MTCL1: variants seen among roughly 807,000 people sequenced by gnomAD.
The protein encoded by MTCL1 is microtubule crosslinking factor 1, also known as microtubule cross-linking factor 1.
A neutral mutation model predicts 141.4 loss-of-function variants in MTCL1; 79 were observed. That is an observed-to-expected ratio of 0.56 (90% CI 0.47 to 0.67). The LOEUF is 0.67. MTCL1 is among the 30% of genes least tolerant of loss of function. The pLI is 0.00. For missense variants in MTCL1, 2,177 were observed against 2,113.9 expected (o/e 1.03, Z -0.59); for synonymous variants, 914 against 875.8 (o/e 1.04, Z -0.77).
chr18:8,705,956 G>C lies in MTCL1; in HGVS notation c.296G>C (p.Arg99Pro). ...CTGGCCGCGCCCGGCCGCCTCTCTC[G>C]GCGCAGTGGCGGCGTCCCGGGCGCG... The change falls in exon 1 of 14, where the codon CGG becomes CCG. Residue 99 changes from arginine to proline, a missense_variant. Physicochemically the swap from Arg to Pro is moderately radical, Grantham distance 103. Transcript: ENST00000306329. This position sits in a 1 kb window ranked among gnomAD's most constrained non-coding sequence, Gnocchi z 5.2. The C allele has an allele frequency of 9.0e-7, 1 of 1,110,660 alleles. No individual in the cohort carries two copies. Among genetic ancestry groups the C allele is most frequent in the Non-Finnish European group, 1.1e-6 (1 of 912,776 alleles). The allele number at this position is 1,110,660 out of a possible 1,614,324, so 68.8% of individuals were successfully genotyped here.
chr18:8,799,114 G>A (rs1315309537), intron 10 of MTCL1, among the ~76,000 whole-genome samples: 1 of 152,222 alleles, frequency 6.6e-6, no homozygotes, highest in Non-Finnish European at 1.5e-5. Context: ...ACGGGGATGC[G>A]GCAGTCATAT....
intron 4 of MTCL1, among the ~76,000 whole-genome samples, chr18:8,749,664 G>C (rs1165033401): frequency 4.6e-5 from 7 of 152,228 alleles, no homozygotes; most frequent in Admixed American, 4.6e-4. Flanking sequence ...ACAGGGATGG[G>C]GTTTGGCCAC....
At chr18:8,811,843 A>G (rs2076498341) in intron 11 of MTCL1, among the ~76,000 whole-genome samples, 2 of 152,216 alleles carry the variant, frequency 1.3e-5, no homozygotes. Context: ...AAAATTGTGC[A>G]CTTAATGAAA....
chr18:8,743,126 G>A (rs1366275188), intron 4 of MTCL1, among the ~76,000 whole-genome samples: 1 of 152,204 alleles, frequency 6.6e-6, no homozygotes, highest in African/African-American at 2.4e-5. Context: ...CCGTGTGGAG[G>A]AGCTAGAGAA....
chr18:8,798,933 G>A (rs2076019276), intron 10 of MTCL1, among the ~76,000 whole-genome samples: 1 of 152,312 alleles, frequency 6.6e-6, no homozygotes, highest in East Asian at 1.9e-4. Flanking sequence ...GAGCTCCAGA[G>A]CAGGACCCTG....
intron 14 of MTCL1, among the ~76,000 whole-genome samples, chr18:8,823,865 C>T (rs2076925896): frequency 6.6e-6 from 1 of 152,168 alleles, no homozygotes; most frequent in Non-Finnish European, 1.5e-5. Context: ...TTAATAGGTC[C>T]TATGGAGGAG....
At chr18:8,799,417 T>C (rs980560933) in intron 10 of MTCL1, among the ~76,000 whole-genome samples, 1 of 152,202 alleles carries the variant, frequency 6.6e-6, no homozygotes. Context: ...TCATTCTCCC[T>C]GAATAACATG....
intron 10 of MTCL1, among the ~76,000 whole-genome samples, chr18:8,806,689 T>G (rs551370074): frequency 2.2e-4 from 34 of 152,206 alleles, no homozygotes; most frequent in African/African-American, 7.2e-4. Context: ...GCCCTCAGTC[T>G]CAGGCCCAGG....
At chr18:8,794,920 T>C (rs2075862701) in intron 8 of MTCL1, among the ~76,000 whole-genome samples, 1 of 152,152 alleles carries the variant, frequency 6.6e-6, no homozygotes, top group African/African-American at 2.4e-5. Flanking sequence ...ACATCTTCAG[T>C]GTGAAATGTT....
At chr18:8,768,789 C>CTT (rs773958752) in intron 4 of MTCL1, among the ~76,000 whole-genome samples, 30,214 of 117,600 alleles carry the variant, frequency 0.26, 4,519 homozygotes, top group East Asian at 0.54. Context: ...CTTTTCTTCT[C>CTT]TTTTTTTTTT....
intron 15 of MTCL1, among the ~76,000 whole-genome samples, chr18:8,826,832 C>G (rs754156888): frequency 6.6e-6 from 1 of 152,214 alleles, no homozygotes; most frequent in Non-Finnish European, 1.5e-5. Flanking sequence ...AAAATCCTAC[C>G]CTAATACAAT....
intron 10 of MTCL1, among the ~76,000 whole-genome samples, chr18:8,803,022 G>T (rs1200968191): frequency 6.6e-6 from 1 of 152,096 alleles, no homozygotes; most frequent in Admixed American, 6.5e-5. Context: ...CCCAGCAAGG[G>T]GTACCACCAG....
intron 10 of MTCL1, among the ~76,000 whole-genome samples, chr18:8,805,817 G>A (rs895788012): frequency 1.3e-5 from 2 of 152,164 alleles, no homozygotes; most frequent in Non-Finnish European, 2.9e-5. Flanking sequence ...TGTGCTTTCC[G>A]TGCTGGTTGG....
rs775411721 is a variant in MTCL1, at chr18:8,783,933, T to G, written c.821T>G (p.Leu274Arg). 4.3e-6 allele frequency: 7 copies of G among 1,613,516 alleles called. No individual in the cohort carries two copies. In the East Asian group the frequency reaches 1.1e-4, roughly 26 times the overall value. ...GACTCCCTGGAGTCCTCCACTGAGC[T>G]CCGCCGCCACCTGCAGTTTGTAGAA... The change falls in exon 6 of 17, where the codon CTC (leucine) becomes CGC (arginine). Residue 274 changes from leucine to arginine, a missense_variant. Physicochemically the swap from Leu to Arg is moderately radical, Grantham distance 102. Transcript: ENST00000359865.
chr18:8,809,880 G>T, intron 11 of MTCL1: 1 of 365,434 alleles, frequency 2.7e-6, no homozygotes, highest in East Asian at 5.3e-5. Flanking sequence ...GTGTGAATGA[G>T]GAGGTGGGAG....
At chr18:8,740,443 C>T (rs371730270) in intron 4 of MTCL1, among the ~76,000 whole-genome samples, 43 of 152,242 alleles carry the variant, frequency 2.8e-4, no homozygotes, top group African/African-American at 8.7e-4. Flanking sequence ...TACCATGCGG[C>T]CCAAGGAAAT....
intron 4 of MTCL1, among the ~76,000 whole-genome samples, chr18:8,728,066 A>G (rs778584419): frequency 8.5e-5 from 13 of 152,264 alleles, no homozygotes; most frequent in Admixed American, 2.6e-4. Flanking sequence ...CCTGAAGAAT[A>G]CAGCCATCTT....
chr18:8,783,913 C>G (rs770427918), exon 6 of MTCL1: 1 of 1,613,474 alleles, frequency 6.2e-7, no homozygotes. Flanking sequence ...TCGGTGACTC[C>G]CTGGAGTCCT....
chr18:8,722,584 A>G (rs1199780318), intron 4 of MTCL1, among the ~76,000 whole-genome samples: 1 of 152,032 alleles, frequency 6.6e-6, no homozygotes, highest in East Asian at 1.9e-4. Flanking sequence ...TGTTAAAATC[A>G]TAAGGAAGAG....
Sources: gnomAD v4.1 joint callset for allele counts (sites outside exome capture counted in the v4.1 genomes callset) on GRCh38, gnomAD v4.1.1 for gene constraint, Gnocchi (gnomAD v3.1) non-coding constraint, MANE v1.5 for transcripts, NCBI Gene and HGNC (gene_info 2026-07-23, HGNC 2026-07-21) for gene names.